The following GRID2 variants were observed in gnomAD, a reference collection of about 807,000 sequenced individuals.
The protein encoded by GRID2 is glutamate ionotropic receptor delta type subunit 2, also known as glutamate receptor ionotropic, delta-2.
In GRID2, 33 loss-of-function variants were observed where a neutral mutation model predicts 114.8. That is an observed-to-expected ratio of 0.29 (90% CI 0.22 to 0.38). GRID2 has a LOEUF of 0.38. Among genes scored for constraint, GRID2 ranks in the 10% least tolerant of loss-of-function variants. The probability of loss-of-function intolerance (pLI) is 1.00; values close to 1 mark genes in which losing one functional copy is unlikely to be tolerated. For synonymous variants in GRID2, 505 were observed against 449.9 expected (o/e 1.12, Z -1.55); for missense variants, 1,184 against 1,257.7 (o/e 0.94, Z 0.89).
At chr4:92,642,738 A>G (rs747690234) in intron 2 of GRID2, among the ~76,000 whole-genome samples, 7 of 151,850 alleles carry the variant, frequency 4.6e-5, no homozygotes, top group African/African-American at 9.6e-5. Context: ...GTCAAGGCCA[A>G]TGTTGATAAG....
chr4:92,536,755 G>T (rs1240854020), intron 1 of GRID2, among the ~76,000 whole-genome samples: 6 of 151,848 alleles, frequency 4.0e-5, no homozygotes, highest in Non-Finnish European at 8.8e-5. Context: ...TTCCTTAAAT[G>T]CAAATCGTCT....
At chr4:92,489,619 G>A (rs1054506162) in intron 1 of GRID2, among the ~76,000 whole-genome samples, 1 of 152,124 alleles carries the variant, frequency 6.6e-6, no homozygotes, top group Non-Finnish European at 1.5e-5. Flanking sequence ...GCCAAGGCGG[G>A]TGGATCACCT....
At chr4:93,000,876 A>C (rs536222979) in intron 2 of GRID2, among the ~76,000 whole-genome samples, 90 of 151,744 alleles carry the variant, frequency 5.9e-4, no homozygotes, top group African/African-American at 2.1e-3. Context: ...TATTTGGGTG[A>C]AGTCCAAACC....
At chr4:93,341,183 A>G (rs757396679) in intron 8 of GRID2, among the ~76,000 whole-genome samples, 1 of 152,200 alleles carries the variant, frequency 6.6e-6, no homozygotes, top group Non-Finnish European at 1.5e-5. Flanking sequence ...AAATTTCTAT[A>G]GTAAACAAGA....
intron 4 of GRID2, among the ~76,000 whole-genome samples, chr4:93,170,424 C>G (rs1397746071): frequency 6.6e-6 from 1 of 152,046 alleles, no homozygotes; most frequent in African/African-American, 2.4e-5. Flanking sequence ...AATCCAGTTG[C>G]AGCAATGTCA....
chr4:92,924,810 T>G (rs898289532), intron 2 of GRID2, among the ~76,000 whole-genome samples: 8 of 152,146 alleles, frequency 5.3e-5, no homozygotes, highest in African/African-American at 1.9e-4. Flanking sequence ...AATGATTAAT[T>G]ATTGCACATT....
chr4:93,443,704 C>T (rs1721828334), intron 10 of GRID2, among the ~76,000 whole-genome samples: 6 of 151,736 alleles, frequency 4.0e-5, no homozygotes, highest in Admixed American at 3.9e-4. Context: ...TATTAGAATC[C>T]AAGCTACCAA....
At chr4:92,751,323 A>T (rs1737445310) in intron 2 of GRID2, among the ~76,000 whole-genome samples, 1 of 152,182 alleles carries the variant, frequency 6.6e-6, no homozygotes, top group Admixed American at 6.5e-5. Flanking sequence ...ACTAGTAAAT[A>T]AATAAAAAAT....
chr4:93,100,158 G>A (rs1327191638), intron 3 of GRID2, among the ~76,000 whole-genome samples: 1 of 151,614 alleles, frequency 6.6e-6, no homozygotes, highest in Non-Finnish European at 1.5e-5. Flanking sequence ...CTACTGCTTT[G>A]GATTTATTCA....
intron 14 of GRID2, among the ~76,000 whole-genome samples, chr4:93,753,630 G>A (rs1732512787): frequency 6.6e-6 from 1 of 152,182 alleles, no homozygotes; most frequent in African/African-American, 2.4e-5. Flanking sequence ...TGCTCAGAAT[G>A]ACGGTTTCCA....
intron 2 of GRID2, among the ~76,000 whole-genome samples, chr4:93,075,883 CTTTTTTTTTTTTTTTTT>C (rs10706922): frequency 3.5e-4 from 27 of 76,602 alleles, no homozygotes; most frequent in East Asian, 2.9e-3. Flanking sequence ...AGTTACCTCT[CTTTTTTTTTTTTTTTTT>C]TTTTTTTTTT....
chr4:92,331,889 C>T (rs566301358), intron 1 of GRID2, among the ~76,000 whole-genome samples: 150 of 152,276 alleles, frequency 9.9e-4, no homozygotes, highest in Non-Finnish European at 1.5e-3. Context: ...TACCTCTTTC[C>T]AGTATGTCCT....
At chr4:92,892,435 A>G (rs1250242914) in intron 2 of GRID2, among the ~76,000 whole-genome samples, 1 of 152,054 alleles carries the variant, frequency 6.6e-6, no homozygotes, top group Non-Finnish European at 1.5e-5. Flanking sequence ...AGGGTAAATG[A>G]TTTCAAATAC....
chr4:92,606,422 C>T (rs116203953), intron 2 of GRID2, among the ~76,000 whole-genome samples: 2,174 of 152,110 alleles, frequency 0.014, 26 homozygotes, highest in Non-Finnish European at 0.021. Flanking sequence ...ACTAGTTTCG[C>T]TTTAAGTCTG....
At chr4:93,183,262 A>G (rs1421924975) in intron 4 of GRID2, among the ~76,000 whole-genome samples, 1 of 152,156 alleles carries the variant, frequency 6.6e-6, no homozygotes, top group Non-Finnish European at 1.5e-5. Context: ...ACTTCACAAA[A>G]TGTTTGACAG....
At chr4:92,677,700 C>T (rs757565686) in intron 2 of GRID2, among the ~76,000 whole-genome samples, 4 of 152,120 alleles carry the variant, frequency 2.6e-5, no homozygotes, top group African/African-American at 4.8e-5. Context: ...TATATCCAGT[C>T]GTACAAGAAA....
chr4:92,624,757 T>A (rs977599957), intron 2 of GRID2, among the ~76,000 whole-genome samples: 2 of 151,814 alleles, frequency 1.3e-5, no homozygotes, highest in African/African-American at 4.8e-5. Context: ...AGAGAATATT[T>A]TCACCTTTCA....
At chr4:92,782,772 G>A (rs1397265600) in intron 2 of GRID2, among the ~76,000 whole-genome samples, 1 of 152,018 alleles carries the variant, frequency 6.6e-6, no homozygotes, top group Non-Finnish European at 1.5e-5. Flanking sequence ...TGTCCTGGAG[G>A]GTCGAAGGTG....
chr4:93,671,558 A>G (rs1724415729), intron 14 of GRID2, among the ~76,000 whole-genome samples: 1 of 152,206 alleles, frequency 6.6e-6, no homozygotes, highest in African/African-American at 2.4e-5. Context: ...TTCCCCGTCT[A>G]TGAAATTATG....
Sources: allele counts gnomAD v4.1 joint callset (sites outside exome capture counted in the v4.1 genomes callset), GRCh38; gene constraint gnomAD v4.1.1; transcripts MANE v1.5; gene names NCBI Gene and HGNC (gene_info 2026-07-23, HGNC 2026-07-21).